The following MAGI3 variants were observed in gnomAD, a reference collection of about 807,000 sequenced individuals.
MAGI3 encodes the protein membrane associated guanylate kinase, WW and PDZ domain containing 3, also known as membrane-associated guanylate kinase, WW and PDZ domain-containing protein 3.
MAGI3 carries 43 observed loss-of-function variants against 121.8 expected under a neutral mutation model. The observed-to-expected ratio is 0.35, with a 90% CI of 0.28 to 0.46. MAGI3 has a LOEUF of 0.46. MAGI3 is among the 20% of genes least tolerant of loss of function. The pLI is 1.00. For missense variants in MAGI3, 1,547 were observed against 1,797.3 expected, an observed-to-expected ratio of 0.86 and a Z score of 2.52; for synonymous variants, 553 against 639.3, an observed-to-expected ratio of 0.86 and a Z score of 2.04.
intron 1 of MAGI3, among the ~76,000 whole-genome samples, chr1:113,503,583 A>G (rs78803823): frequency 2.0e-5 from 3 of 152,204 alleles, no homozygotes; most frequent in East Asian, 3.9e-4. Flanking sequence ...TTACTTTTCT[A>G]TAACTGTAAG....
intron 1 of MAGI3, among the ~76,000 whole-genome samples, chr1:113,538,457 C>T (rs950156955): frequency 6.6e-6 from 1 of 152,088 alleles, no homozygotes; most frequent in African/African-American, 2.4e-5. Flanking sequence ...TCTGGCATTA[C>T]GACAGGTTTG....
intron 2 of MAGI3, among the ~76,000 whole-genome samples, chr1:113,564,043 A>C (rs891828404): frequency 6.6e-6 from 1 of 152,130 alleles, no homozygotes; most frequent in Non-Finnish European, 1.5e-5. Flanking sequence ...TACTTAGTTA[A>C]TTCCCTGTAA....
chr1:113,435,701 G>GA (rs1383090917), intron 1 of MAGI3, among the ~76,000 whole-genome samples: 1 of 152,050 alleles, frequency 6.6e-6, no homozygotes, highest in Non-Finnish European at 1.5e-5. Flanking sequence ...TATGTGGAGG[G>GA]ATGTCTTTAA....
chr1:113,531,778 A>G lies in MAGI3; in HGVS notation c.317-17737A>G, dbSNP rs1658739099. On this transcript the variant is annotated intron_variant, in intron 1 of 20. Coordinates refer to ENST00000307546, the MANE Select transcript of MAGI3 (RefSeq NM_001142782.2). ...ACCTTTCTCGAAACCTTAGTACTCA[A>G]CATGATACACAACAGAAATCACCAT... Among the ~76,000 whole-genome samples the G allele has an allele frequency of 2.6e-5, 4 of 152,244 alleles. No homozygotes were observed. In the South Asian group the frequency reaches 8.3e-4, roughly 32 times the overall value.
intron 9 of MAGI3, among the ~76,000 whole-genome samples, chr1:113,632,884 T>G (rs1651724835): frequency 6.9e-6 from 1 of 145,444 alleles, no homozygotes; most frequent in Non-Finnish European, 1.6e-5. Flanking sequence ...GGCTTTTGTT[T>G]TGTTTAGTTT....
intron 6 of MAGI3, among the ~76,000 whole-genome samples, chr1:113,601,775 A>G (rs1471422207): frequency 6.9e-6 from 1 of 144,548 alleles, no homozygotes; most frequent in Non-Finnish European, 1.5e-5. Flanking sequence ...ATGCACAAGT[A>G]TGTTTATTGT....
At position 113,397,222 on chromosome 1, in the gene MAGI3, T is replaced by G. The variant is rs187786921; in HGVS notation, c.316+5873T>G. Among the ~76,000 whole-genome samples, 346 of 152,302 alleles carry G rather than the reference T, an allele frequency of 2.3e-3. 2 individuals are homozygous for G. The highest frequency in any genetic ancestry group is 8.0e-3 in the African/African-American group (332 of 41,558). On this transcript the variant is annotated intron_variant, in intron 1 of 20. Coordinates refer to ENST00000307546, the MANE Select transcript of MAGI3 (RefSeq NM_001142782.2). Reference sequence around the variant, plus strand: ...AAAAAAACTTTTAATTCTAAGAAATTATCCTCATCTAGGTATGTACAGTGA... The same window carrying G: ...AAAAAAACTTTTAATTCTAAGAAATGATCCTCATCTAGGTATGTACAGTGA...
intron 1 of MAGI3, among the ~76,000 whole-genome samples, chr1:113,531,466 C>T (rs1213438212): frequency 6.6e-6 from 1 of 152,126 alleles, no homozygotes; most frequent in Non-Finnish European, 1.5e-5. Context: ...GCCACTGTAT[C>T]CACTAGCAAA....
chr1:113,577,026 T>A lies in MAGI3; in HGVS notation c.434-3516T>A, dbSNP rs186898472. ...GGTTGCAAAAGTGGCAAAACTAAGC[T>A]ATGTTGCTTAAAAATGCATTATTTA... On this transcript the variant is annotated intron_variant, in intron 2 of 20. Transcript: ENST00000307546. The A allele has an allele frequency of 3.9e-5, 6 of 152,278 alleles. No homozygotes were observed. In the East Asian group the frequency reaches 1.2e-3, roughly 29 times the overall value. The allele number at this position is 152,278 out of a possible 1,614,324, so 9.4% of individuals were successfully genotyped here.
chr1:113,550,943 T>C (rs189434609), intron 2 of MAGI3, among the ~76,000 whole-genome samples: 1 of 137,128 alleles, frequency 7.3e-6, no homozygotes, highest in Non-Finnish European at 1.6e-5. Flanking sequence ...TTTAAAATCT[T>C]TCCCTTCCCC....
chr1:113,574,958 G>T (rs1031422137), intron 2 of MAGI3, among the ~76,000 whole-genome samples: 1 of 151,840 alleles, frequency 6.6e-6, no homozygotes, highest in African/African-American at 2.4e-5. Context: ...TCTGATATCC[G>T]TTCTTCCACT....
rs1415808753 is a variant in MAGI3 at position 113,390,956 on chromosome 1, C to T, written c.-78C>T. On this transcript the variant is annotated 5_prime_UTR_variant, in exon 1 of 21. Coordinates refer to ENST00000307546, the MANE Select transcript of MAGI3 (RefSeq NM_001142782.2). The stretch of plus-strand genomic sequence containing the variant: ...ACCGGGCTGCGCGGGCCGCCCAGGG[C>T]CCCCGGGCTGAGACGGGGCCGGAGC... 4.6e-6 allele frequency: 6 copies of T among 1,306,530 alleles called. No homozygotes were observed. Among genetic ancestry groups the T allele is most frequent in the South Asian group, 1.8e-5 (1 of 56,206 alleles). 80.9% of individuals were successfully genotyped at this position (1,306,530 alleles called of 1,614,324 possible).
In MAGI3 at chr1:113,549,562, C is replaced by T; in HGVS notation, c.364C>T (p.Gln122Ter). The T allele has an allele frequency of 6.2e-7, 1 of 1,606,706 alleles. No individual in the cohort carries two copies. The highest frequency in any genetic ancestry group is 8.5e-7 in the Non-Finnish European group (1 of 1,176,828). Reference sequence around the variant, plus strand: ...GCGGCATTACCTAAGTCTTCAGTTTCAAAAAGGATCAATTGACCACAAACT... The same window carrying T: ...GCGGCATTACCTAAGTCTTCAGTTTTAAAAAGGATCAATTGACCACAAACT... ...DLRHYLSLQF[Q>*]KGSIDHKLQQ... Residue 122 changes from glutamine to a stop codon, truncating the protein, a stop_gained, in exon 2 of 21, where the codon CAA becomes TAA. Coordinates refer to ENST00000307546, the MANE Select transcript of MAGI3 (RefSeq NM_001142782.2). LOFTEE classifies it high-confidence loss of function.
intron 1 of MAGI3, among the ~76,000 whole-genome samples, chr1:113,442,738 T>C (rs1216646202): frequency 6.6e-6 from 1 of 151,914 alleles, no homozygotes; most frequent in Non-Finnish European, 1.5e-5. Context: ...GCCTCTCGAG[T>C]TGCTGGGATT....
At chr1:113,513,454 G>A (rs1211198878) in intron 1 of MAGI3, among the ~76,000 whole-genome samples, 1 of 152,108 alleles carries the variant, frequency 6.6e-6, no homozygotes, top group Non-Finnish European at 1.5e-5. Context: ...ACAGAACAGA[G>A]CCCTCAGAAA....
chr1:113,421,291 G>C (rs1652722249), intron 1 of MAGI3, among the ~76,000 whole-genome samples: 1 of 152,134 alleles, frequency 6.6e-6, no homozygotes, highest in South Asian at 2.1e-4. Flanking sequence ...CCAATGTCAA[G>C]TTAAAAATTT....
chr1:113,673,539 T>C, intron 19 of MAGI3, 74 bp downstream of exon 19: 1 of 1,473,746 alleles, frequency 6.8e-7, no homozygotes, highest in Non-Finnish European at 9.2e-7. Flanking sequence ...AATAATTGAT[T>C]TAAAGGGAAT....
intron 2 of MAGI3, among the ~76,000 whole-genome samples, chr1:113,559,714 C>A (rs2101685422): frequency 6.6e-6 from 1 of 152,148 alleles, no homozygotes; most frequent in Admixed American, 6.6e-5. Context: ...ACTATAGGTG[C>A]CCACCACCAC....
At chr1:113,660,560 G>A (rs1302754629) in intron 16 of MAGI3, among the ~76,000 whole-genome samples, 1 of 150,818 alleles carries the variant, frequency 6.6e-6, no homozygotes, top group Non-Finnish European at 1.5e-5. Context: ...TATTTAAATG[G>A]TCTGCTCTTT....
Sources: gnomAD v4.1 joint callset for allele counts (sites outside exome capture counted in the v4.1 genomes callset) on GRCh38, gnomAD v4.1.1 for gene constraint, MANE v1.5 for transcripts, NCBI Gene and HGNC (gene_info 2026-07-23, HGNC 2026-07-21) for gene names.